The following SNX29 variants were observed in gnomAD, a reference collection of about 807,000 sequenced individuals.
SNX29 encodes the protein sorting nexin-29.
Under a neutral mutation model 102.1 loss-of-function variants are expected in SNX29, and 78 were observed. The observed-to-expected ratio is 0.76, with a 90% CI of 0.64 to 0.92. The LOEUF (loss-of-function observed/expected upper bound fraction) is 0.92. Ranked by LOEUF, SNX29 falls within the 40% of genes least tolerant of loss-of-function variation. SNX29 has a pLI of 0.00. For missense variants in SNX29, 1,280 were observed against 1,061.7 expected, an observed-to-expected ratio of 1.21 and a Z score of -2.86; for synonymous variants, 580 against 414.5, an observed-to-expected ratio of 1.40 and a Z score of -4.85.
At chr16:12,374,116 C>G (rs148936728) in intron 16 of SNX29, among the ~76,000 whole-genome samples, 564 of 152,354 alleles carry the variant, frequency 3.7e-3, no homozygotes, top group Non-Finnish European at 4.8e-3. Context: ...CCACTTCTCC[C>G]CACTGGATGG....
intron 15 of SNX29, among the ~76,000 whole-genome samples, chr16:12,355,577 A>C (rs1054842741): frequency 2.6e-5 from 4 of 152,164 alleles, no homozygotes; most frequent in African/African-American, 9.7e-5. Flanking sequence ...GCAGGATTAC[A>C]TCTCACATTT....
chr16:12,330,911 G>C (rs1375293450), intron 15 of SNX29, among the ~76,000 whole-genome samples: 1 of 152,262 alleles, frequency 6.6e-6, no homozygotes, highest in Non-Finnish European at 1.5e-5. Context: ...CCCTGACACA[G>C]AATGTGGTTG....
chr16:12,509,301 A>T (rs866905206), intron 19 of SNX29, among the ~76,000 whole-genome samples: 2 of 152,158 alleles, frequency 1.3e-5, no homozygotes, highest in Admixed American at 6.5e-5. Flanking sequence ...CAGGCATGCC[A>T]TCTGTCAGCC....
chr16:12,163,698 A>C (rs748144725), intron 13 of SNX29, among the ~76,000 whole-genome samples: 3 of 151,916 alleles, frequency 2.0e-5, no homozygotes, highest in Non-Finnish European at 4.4e-5. Flanking sequence ...TCTTGGGAGG[A>C]TTTGTATTTG....
intron 20 of SNX29, among the ~76,000 whole-genome samples, chr16:12,568,006 C>G (rs1408301989): frequency 1.3e-5 from 2 of 152,168 alleles, no homozygotes; most frequent in Non-Finnish European, 2.9e-5. Context: ...AAACACAATA[C>G]CATGCCAAAC....
intron 18 of SNX29, among the ~76,000 whole-genome samples, chr16:12,404,220 C>T (rs569989448): frequency 2.0e-5 from 3 of 152,290 alleles, no homozygotes; most frequent in East Asian, 1.9e-4. Context: ...CTGTAGACAT[C>T]GCCTCTGCTT....
intron 18 of SNX29, among the ~76,000 whole-genome samples, chr16:12,474,950 T>A (rs1429761883): frequency 6.6e-6 from 1 of 152,214 alleles, no homozygotes. Context: ...TTTGTTCAGT[T>A]GAGCTGGTAA....
intron 20 of SNX29, chr16:12,561,247 C>T: frequency 4.3e-6 from 1 of 230,322 alleles, no homozygotes; most frequent in East Asian, 6.2e-5. Context: ...AGGCCACTCC[C>T]TCCCACTCCA....
intron 13 of SNX29, among the ~76,000 whole-genome samples, chr16:12,171,939 C>A (rs1349056608): frequency 6.6e-6 from 1 of 152,170 alleles, no homozygotes; most frequent in African/African-American, 2.4e-5. Flanking sequence ...CAGTGAATCC[C>A]AAGCCTCACA....
At chr16:12,125,605 CTTTTTTTTTTTTTTTTT>C (rs36212472) in intron 11 of SNX29, among the ~76,000 whole-genome samples, 20 of 45,404 alleles carry the variant, frequency 4.4e-4, no homozygotes, top group Admixed American at 1.1e-3. Context: ...TGAGATCTCT[CTTTTTTTTTTTTTTTTT>C]TTTTTTTTTT....
intron 14 of SNX29, among the ~76,000 whole-genome samples, chr16:12,272,162 C>T (rs1407479834): frequency 6.6e-6 from 1 of 152,172 alleles, no homozygotes; most frequent in Non-Finnish European, 1.5e-5. Flanking sequence ...AAGCTTATTT[C>T]TGCACCTCTG....
intron 14 of SNX29, among the ~76,000 whole-genome samples, chr16:12,224,386 A>G (rs984617041): frequency 3.9e-5 from 6 of 152,142 alleles, no homozygotes; most frequent in African/African-American, 1.2e-4. Flanking sequence ...GCCATGATGC[A>G]GACCTGAGAC....
At chr16:12,512,611 C>T (rs936706564) in intron 19 of SNX29, among the ~76,000 whole-genome samples, 16 of 150,658 alleles carry the variant, frequency 1.1e-4, no homozygotes, top group African/African-American at 3.9e-4. Context: ...GAGCAGTACT[C>T]GAGGGAGACG....
chr16:12,567,078 G>T (rs1036995618), intron 20 of SNX29, among the ~76,000 whole-genome samples: 3 of 152,236 alleles, frequency 2.0e-5, no homozygotes, highest in Non-Finnish European at 4.4e-5. Context: ...ACCCTGCAGG[G>T]ATCCTCGAGG....
intron 16 of SNX29, among the ~76,000 whole-genome samples, chr16:12,384,236 C>G (rs926531067): frequency 7.2e-5 from 11 of 152,144 alleles, no homozygotes; most frequent in African/African-American, 2.4e-4. Flanking sequence ...GGTATATACC[C>G]AGCAGTGGGA....
In SNX29 at chr16:12,058,797, GTTTTTTTTTT is replaced by G. The variant is rs34150245; in HGVS notation, c.1125-2713_1125-2704del. Among the ~76,000 whole-genome samples, 649 of 113,740 alleles carry G rather than the reference GTTTTTTTTTT, an allele frequency of 5.7e-3. 2 individuals carry two copies. The highest frequency in any genetic ancestry group is 9.4e-3 in the Non-Finnish European group (529 of 56,514). 74.6% of individuals were successfully genotyped at this position (113,740 alleles called of 152,430 possible). A position where few individuals can be genotyped will look rare whatever the true frequency, so the allele number is the denominator to read the frequency against. ...GTGTGAGCCACAGCACCCGGCCTGG[GTTTTTTTTTT>G]TTTTTTTTTTTTTTTTTCTCTGTGG... On this transcript the variant is annotated intron_variant, in intron 8 of 20. Coordinates refer to ENST00000566228, the MANE Select transcript of SNX29 (RefSeq NM_032167.5).
chr16:12,463,185 A>G (rs565037315), intron 18 of SNX29, among the ~76,000 whole-genome samples: 38 of 152,266 alleles, frequency 2.5e-4, no homozygotes, highest in Admixed American at 1.2e-3. Flanking sequence ...AGGCGGAGGC[A>G]CTTTCTCTGC....
intron 16 of SNX29, among the ~76,000 whole-genome samples, chr16:12,381,018 A>ATTAT (rs2083101695): frequency 1.2e-4 from 1 of 8,540 alleles, no homozygotes; most frequent in Non-Finnish European, 2.2e-4. Context: ...CCACCCACCC[A>ATTAT]CCATCCACCC....
At chr16:12,189,021 G>C (rs1011602549) in intron 13 of SNX29, among the ~76,000 whole-genome samples, 18 of 152,198 alleles carry the variant, frequency 1.2e-4, no homozygotes, top group Admixed American at 5.2e-4. Flanking sequence ...CCAGGTGCCA[G>C]AGTGGCCCAG....
Sources: allele counts gnomAD v4.1 joint callset (sites outside exome capture counted in the v4.1 genomes callset), GRCh38; gene constraint gnomAD v4.1.1; transcripts MANE v1.5; gene names NCBI Gene and HGNC (gene_info 2026-07-23, HGNC 2026-07-21).